PCDHA7: variants seen among roughly 807,000 people sequenced by gnomAD.
PCDHA7 encodes protocadherin alpha 7.
Under a neutral mutation model 57.2 loss-of-function variants are expected in PCDHA7, and 37 were observed. The observed-to-expected ratio is 0.65, with a 90% CI of 0.50 to 0.85. The LOEUF (loss-of-function observed/expected upper bound fraction) is 0.85, where lower values mean the gene tolerates loss of function less well. Ranked by LOEUF, PCDHA7 falls within the 40% of genes least tolerant of loss-of-function variation. The pLI, the probability that PCDHA7 is intolerant of heterozygous loss-of-function variation, is 0.00. For synonymous variants in PCDHA7, 553 were observed against 558.8 expected, an observed-to-expected ratio of 0.99 and a Z score of 0.15; for missense variants, 1,188 against 1,241.8, an observed-to-expected ratio of 0.96 and a Z score of 0.65.
Position 140,850,690 on chromosome 5 carries a change from G to T in PCDHA7, c.2355+13952G>T, listed in dbSNP as rs2150494322. On this transcript the variant is annotated intron_variant, in intron 1 of 3. Transcript: ENST00000525929. ...TCGGCGATGCCCACCGAGGGCGAGT[G>T]CGCGCCTGGCAAGCCGACGCTGGTG... 3.1e-6 allele frequency: 5 copies of T among 1,598,402 alleles called. 1 individual carries two copies. In the South Asian group the frequency reaches 5.5e-5, roughly 18 times the overall value.
At chr5:140,910,641 C>T (rs1270893523) in intron 1 of PCDHA7, among the ~76,000 whole-genome samples, 1 of 152,206 alleles carries the variant, frequency 6.6e-6, no homozygotes, top group Non-Finnish European at 1.5e-5. Flanking sequence ...CTCCCTAAAC[C>T]TTTTGATCCC....
chr5:140,970,687 CT>C (rs1464659851), intron 1 of PCDHA7, among the ~76,000 whole-genome samples: 1 of 152,078 alleles, frequency 6.6e-6, no homozygotes, highest in Non-Finnish European at 1.5e-5. Flanking sequence ...GTAGAAAGGG[CT>C]TTTAGAGCTA....
intron 1 of PCDHA7, among the ~76,000 whole-genome samples, chr5:140,912,539 T>C (rs2075967162): frequency 6.6e-6 from 1 of 152,172 alleles, no homozygotes; most frequent in Non-Finnish European, 1.5e-5. Flanking sequence ...CATGATCATA[T>C]TGTCAGCAAA....
chr5:140,857,004 T>C (rs1554149409), intron 1 of PCDHA7: 1 of 1,595,634 alleles, frequency 6.3e-7, no homozygotes, highest in Non-Finnish European at 8.6e-7. Context: ...GAAATTCATG[T>C]AGATGTTACA....
In PCDHA7 at chr5:140,848,613, G is replaced by A. The variant is rs147099629; in HGVS notation, c.2355+11875G>A. On this transcript the variant is annotated intron_variant, in intron 1 of 3. Coordinates refer to ENST00000525929, the MANE Select transcript of PCDHA7 (RefSeq NM_018910.3). ...CCACTACTCCGTCCCGGAGGAAGCC[G>A]AACACGGCACCTTCGTGGGCCGCAT... 4,268 of 1,587,382 alleles carry A rather than the reference G, an allele frequency of 2.7e-3. 465 individuals carry two copies. The highest frequency in any genetic ancestry group is 9.6e-3 in the Middle Eastern group (55 of 5,726).
chr5:140,985,554 A>G (rs1563525071), intron 3 of PCDHA7, among the ~76,000 whole-genome samples: 1 of 152,114 alleles, frequency 6.6e-6, no homozygotes, highest in Non-Finnish European at 1.5e-5. Flanking sequence ...GTTGCTTCCA[A>G]AAGGCTTCTT....
intron 1 of PCDHA7, among the ~76,000 whole-genome samples, chr5:140,922,177 A>C (rs1194396252): frequency 2.9e-5 from 2 of 69,034 alleles, no homozygotes; most frequent in African/African-American, 9.2e-5. Context: ...TACAGCAGAC[A>C]AAAAAAAAGT....
chr5:140,971,284 A>G lies in PCDHA7; in HGVS notation c.2356-7665A>G, dbSNP rs573117700. 1.7e-3 allele frequency among the ~76,000 whole-genome samples: 257 copies of G among 152,334 alleles called. 1 individual carries two copies. The highest frequency in any genetic ancestry group is 3.4e-3 in the Non-Finnish European group (234 of 68,028). ...CTGTCTTACACTGACCTGTATATTAATATGTACTTTGGTACACAAACATTT... is the reference window on the plus strand; with the variant it reads ...CTGTCTTACACTGACCTGTATATTAGTATGTACTTTGGTACACAAACATTT... On this transcript the variant is annotated intron_variant, in intron 1 of 3. Transcript: ENST00000525929.
intron 1 of PCDHA7, among the ~76,000 whole-genome samples, chr5:140,937,820 G>T (rs554138611): frequency 2.6e-5 from 4 of 151,792 alleles, no homozygotes; most frequent in African/African-American, 9.7e-5. Flanking sequence ...GCTGAGGCAG[G>T]AGAATGGCAT....
chr5:140,889,767 C>T (rs539294045), intron 1 of PCDHA7, among the ~76,000 whole-genome samples: 29 of 152,202 alleles, frequency 1.9e-4, no homozygotes, highest in African/African-American at 6.7e-4. Context: ...TGAACTTTGA[C>T]TGGTCTTAAT....
Position 140,834,957 on chromosome 5 carries a change from C to T in PCDHA7, c.574C>T (p.Leu192Phe). 2 of 1,532,930 alleles carry T rather than the reference C, an allele frequency of 1.3e-6. No homozygotes were observed. Among genetic ancestry groups the T allele is most frequent in the Non-Finnish European group, 1.8e-6 (2 of 1,129,256 alleles). The allele number at this position is 1,532,930 out of a possible 1,614,324, so 95.0% of individuals were successfully genotyped here. ...VPTSNQQVKP[L>F]GLVLRKLLDR... ...AACCAGCAACCAGCAGGTAAAACCT[C>T]TTGGACTTGTATTACGGAAACTTTT... The change falls in exon 1 of 4, where the codon CTT (leucine) becomes TTT (phenylalanine). Residue 192 changes from leucine to phenylalanine, a missense_variant. Physicochemically the swap from Leu to Phe is conservative, Grantham distance 22 (BLOSUM62 0). Transcript: ENST00000525929.
chr5:140,955,171 C>G (rs887184603), intron 1 of PCDHA7, among the ~76,000 whole-genome samples: 2 of 152,158 alleles, frequency 1.3e-5, no homozygotes, highest in African/African-American at 2.4e-5. Context: ...GTTTTGGTTA[C>G]TGTAGTTTTG....
At chr5:140,967,784 C>T in intron 1 of PCDHA7, 3 of 1,614,174 alleles carry the variant, frequency 1.9e-6, no homozygotes, top group South Asian at 1.1e-5. Context: ...GGCGACTGAC[C>T]GGGGTCCAGT....
chr5:140,875,854 G>C, intron 1 of PCDHA7: 1 of 1,614,160 alleles, frequency 6.2e-7, no homozygotes. Context: ...GGACATTAAC[G>C]ACAACCCGCC....
intron 3 of PCDHA7, among the ~76,000 whole-genome samples, chr5:140,983,223 C>T (rs2153830857): frequency 6.6e-6 from 1 of 152,270 alleles, no homozygotes; most frequent in Admixed American, 6.5e-5. Context: ...CTAATCCAAA[C>T]TTTCAGGAAA....
intron 1 of PCDHA7, among the ~76,000 whole-genome samples, chr5:140,897,068 T>A (rs2153455202): frequency 6.6e-6 from 1 of 152,252 alleles, no homozygotes; most frequent in East Asian, 1.9e-4. Context: ...CTATGTCTTA[T>A]TCATTTTTTC....
chr5:140,969,547 A>C, intron 1 of PCDHA7: 10 of 1,244,334 alleles, frequency 8.0e-6, no homozygotes, highest in Non-Finnish European at 9.8e-6. Flanking sequence ...AGAGGCATGA[A>C]GCCTTGTCCA....
chr5:140,848,894 C>G (rs1562450529), intron 1 of PCDHA7: 3 of 1,604,178 alleles, frequency 1.9e-6, no homozygotes, highest in Non-Finnish European at 2.6e-6. Context: ...CTCCAGTGTT[C>G]CCAGCGACAC....
At chr5:140,843,834 GT>G in intron 1 of PCDHA7, 2 of 1,102,918 alleles carry the variant, frequency 1.8e-6, no homozygotes, top group Non-Finnish European at 2.6e-6. Flanking sequence ...ACATTGTTTA[GT>G]TTTTAGAAAC....
Sources: gnomAD v4.1 joint callset for allele counts (sites outside exome capture counted in the v4.1 genomes callset) on GRCh38, gnomAD v4.1.1 for gene constraint, MANE v1.5 for transcripts, NCBI Gene and HGNC (gene_info 2026-07-23, HGNC 2026-07-21) for gene names.